The following RYR3 variants were observed in gnomAD, a reference collection of about 807,000 sequenced individuals.
RYR3 encodes ryanodine receptor 3, also known as brain ryanodine receptor-calcium release channel.
Under a neutral mutation model 584.3 loss-of-function variants are expected in RYR3, and 207 were observed. That is an observed-to-expected ratio of 0.35 (90% confidence interval 0.32 to 0.40). The LOEUF is 0.40. Ranked by LOEUF, RYR3 falls within the 10% of genes least tolerant of loss-of-function variation. The pLI, the probability that RYR3 is intolerant of heterozygous loss-of-function variation, is 1.00. For missense variants in RYR3, 5,616 were observed against 6,089.2 expected (o/e 0.92, Z 2.59); for synonymous variants, 2,416 against 2,248.5 (o/e 1.07, Z -2.11).
At position 33,699,852 on chromosome 15, in the gene RYR3, A is replaced by T. The variant is rs1188996240; in HGVS notation, c.6379+19A>T. On this transcript the variant is annotated intron_variant, in intron 41 of 103. Transcript: ENST00000634891. ...GGCCTAGGTGCGTAAGTCTTCTTGT[A>T]ACTTCCACATCCAAACTCGAAGGTT... The T allele has an allele frequency of 1.5e-5, 24 of 1,603,494 alleles. No individual in the cohort carries two copies. The highest frequency in any genetic ancestry group is 2.0e-5 in the Non-Finnish European group (23 of 1,172,132).
chr15:33,636,620 C>A, intron 27 of RYR3, 70 bp downstream of exon 27: 1 of 1,341,060 alleles, frequency 7.5e-7, no homozygotes, highest in South Asian at 1.4e-5. Context: ...AGCTGAGCGA[C>A]CTGCTCTACT....
intron 1 of RYR3, among the ~76,000 whole-genome samples, chr15:33,359,812 G>A (rs374900675): frequency 4.0e-4 from 61 of 151,786 alleles, no homozygotes; most frequent in African/African-American, 1.4e-3. Flanking sequence ...TAGTGGAGAC[G>A]GGGTTTCACT....
chr15:33,454,061 G>A (rs1299279567), intron 1 of RYR3, among the ~76,000 whole-genome samples: 1 of 152,224 alleles, frequency 6.6e-6, no homozygotes, highest in African/African-American at 2.4e-5. Flanking sequence ...AATTCTGCGT[G>A]AGGCTGGAGG....
intron 18 of RYR3, among the ~76,000 whole-genome samples, chr15:33,608,176 A>T (rs963524285): frequency 6.6e-6 from 1 of 152,216 alleles, no homozygotes; most frequent in African/African-American, 2.4e-5. Flanking sequence ...CACTGTGCCC[A>T]TTTTACAGAT....
intron 19 of RYR3, among the ~76,000 whole-genome samples, chr15:33,616,037 G>C (rs934884334): frequency 1.3e-5 from 2 of 152,190 alleles, no homozygotes; most frequent in Admixed American, 1.3e-4. Flanking sequence ...GACTGCATTT[G>C]CATGTGTAGC....
intron 65 of RYR3, among the ~76,000 whole-genome samples, chr15:33,781,670 C>A (rs186781139): frequency 3.9e-5 from 6 of 152,192 alleles, no homozygotes; most frequent in African/African-American, 1.4e-4. Flanking sequence ...CAGATAAGGC[C>A]ACTAATAAAA....
At chr15:33,397,420 A>G (rs921782160) in intron 1 of RYR3, among the ~76,000 whole-genome samples, 6 of 152,230 alleles carry the variant, frequency 3.9e-5, no homozygotes, top group East Asian at 3.8e-4. Context: ...ACTAGGCCCT[A>G]TGCATCAAAA....
At chr15:33,688,823 C>G (rs1308943176) in intron 38 of RYR3, among the ~76,000 whole-genome samples, 1 of 152,096 alleles carries the variant, frequency 6.6e-6, no homozygotes, top group African/African-American at 2.4e-5. Context: ...GTGGCAATTC[C>G]TCAAGGATCT....
At chr15:33,712,730 A>C (rs546604519) in intron 43 of RYR3, among the ~76,000 whole-genome samples, 1 of 152,350 alleles carries the variant, frequency 6.6e-6, no homozygotes, top group South Asian at 2.1e-4. Context: ...CTCAATCACA[A>C]CAGAATGTTA....
chr15:33,497,053 G>A (rs945524459), intron 2 of RYR3, among the ~76,000 whole-genome samples: 1 of 152,142 alleles, frequency 6.6e-6, no homozygotes, highest in Non-Finnish European at 1.5e-5. Context: ...GCTAATACGG[G>A]AAAGGACAGT....
chr15:33,618,238 A>G (rs2152574318), intron 19 of RYR3, among the ~76,000 whole-genome samples: 1 of 152,212 alleles, frequency 6.6e-6, no homozygotes, highest in East Asian at 1.9e-4. Flanking sequence ...CCATAAATCT[A>G]TTTAATCATC....
At chr15:33,768,310 C>A (rs1376465960) in intron 60 of RYR3, among the ~76,000 whole-genome samples, 1 of 152,196 alleles carries the variant, frequency 6.6e-6, no homozygotes, top group Non-Finnish European at 1.5e-5. Flanking sequence ...CCGGAGTCTT[C>A]ATTTATCCCT....
At chr15:33,428,439 C>G (rs1472661274) in intron 1 of RYR3, among the ~76,000 whole-genome samples, 3 of 152,154 alleles carry the variant, frequency 2.0e-5, no homozygotes, top group African/African-American at 7.2e-5. Context: ...ATTTAATAAT[C>G]CTCACCCAGA....
chr15:33,320,203 T>C (rs750684575), intron 1 of RYR3, among the ~76,000 whole-genome samples: 4 of 152,176 alleles, frequency 2.6e-5, no homozygotes, highest in Non-Finnish European at 5.9e-5. Flanking sequence ...TCATGGTCCT[T>C]GGATAAAAAT....
chr15:33,573,418 A>G (rs1374569575), intron 12 of RYR3, among the ~76,000 whole-genome samples: 8 of 152,226 alleles, frequency 5.3e-5, no homozygotes, highest in South Asian at 2.1e-4. Flanking sequence ...GGAATAGGGA[A>G]GGAACAAGAA....
At chr15:33,404,707 G>A (rs1201492244) in intron 1 of RYR3, among the ~76,000 whole-genome samples, 4 of 151,846 alleles carry the variant, frequency 2.6e-5, no homozygotes, top group African/African-American at 9.7e-5. Context: ...ATACAAATGA[G>A]AATGGATAAA....
chr15:33,450,701 G>C (rs181705055), intron 1 of RYR3, among the ~76,000 whole-genome samples: 58 of 151,836 alleles, frequency 3.8e-4, no homozygotes, highest in African/African-American at 1.4e-3. Context: ...AGAGTACTGA[G>C]TCCTGGCTTC....
At chr15:33,331,664 C>T (rs1408399404) in intron 1 of RYR3, among the ~76,000 whole-genome samples, 1 of 151,114 alleles carries the variant, frequency 6.6e-6, no homozygotes, top group Non-Finnish European at 1.5e-5. Context: ...AAAAACAAAC[C>T]TAAGAAGGAT....
At chr15:33,552,288 A>T (rs1281180770) in intron 10 of RYR3, among the ~76,000 whole-genome samples, 1 of 152,170 alleles carries the variant, frequency 6.6e-6, no homozygotes, top group Non-Finnish European at 1.5e-5. Flanking sequence ...TCAGAGCCCC[A>T]TAGAGACCTT....
Sources: gnomAD v4.1 joint callset for allele counts (sites outside exome capture counted in the v4.1 genomes callset) on GRCh38, gnomAD v4.1.1 for gene constraint, MANE v1.5 for transcripts, NCBI Gene and HGNC (gene_info 2026-07-23, HGNC 2026-07-21) for gene names.